ASAP1: variants seen among roughly 807,000 people sequenced by gnomAD.
ASAP1 encodes arf-GAP with SH3 domain, ANK repeat and PH domain-containing protein 1.
Under a neutral mutation model 145.2 loss-of-function variants are expected in ASAP1, and 43 were observed. The observed-to-expected ratio is 0.30, with a 90% CI of 0.23 to 0.38. ASAP1 has a LOEUF of 0.38. Ranked by LOEUF, ASAP1 falls within the 10% of genes least tolerant of loss-of-function variation. The pLI, the probability that ASAP1 is intolerant of heterozygous loss-of-function variation, is 1.00. For synonymous variants in ASAP1, 546 were observed against 515.5 expected, an observed-to-expected ratio of 1.06 and a Z score of -0.80; for missense variants, 1,018 against 1,355.3, an observed-to-expected ratio of 0.75 and a Z score of 3.91.
At chr8:130,140,257 T>C (rs1302547260) in intron 13 of ASAP1, among the ~76,000 whole-genome samples, 4 of 151,918 alleles carry the variant, frequency 2.6e-5, no homozygotes, top group African/African-American at 9.7e-5. Flanking sequence ...CCCAGGCTGC[T>C]CTTAAACTCC....
At chr8:130,256,733 A>G (rs1160852173) in intron 3 of ASAP1, among the ~76,000 whole-genome samples, 4 of 121,600 alleles carry the variant, frequency 3.3e-5, no homozygotes, top group Non-Finnish European at 6.8e-5. Context: ...CTGAATATAC[A>G]CATTCTTATA....
In ASAP1 at chr8:130,126,001, G is replaced by A. The variant is rs533438828; in HGVS notation, c.1470C>T (p.Arg490=). 9 of 1,614,032 alleles carry A rather than the reference G, an allele frequency of 5.6e-6. No individual in the cohort carries two copies. The East Asian group carries it at 2.0e-4, about 36-fold the overall frequency. Residue 490 remains arginine (R), a synonymous_variant, in exon 17 of 30, where the codon CGC becomes CGT. Coordinates refer to ENST00000518721, the MANE Select transcript of ASAP1 (RefSeq NM_018482.4). ...ATTTGTCTAGTTCCAAAGACTGAAT[G>A]CGAGAAATATGAACCCCCATTTCCC... ...IHREMGVHIS[R]IQSLELDKLG...
At chr8:130,197,844 T>C (rs1815606613) in intron 5 of ASAP1, among the ~76,000 whole-genome samples, 1 of 152,190 alleles carries the variant, frequency 6.6e-6, no homozygotes. Flanking sequence ...GCCCTGAGTT[T>C]TGGGTTCCAT....
chr8:130,172,033 G>A (rs948567703), intron 9 of ASAP1, among the ~76,000 whole-genome samples: 1 of 152,192 alleles, frequency 6.6e-6, no homozygotes, highest in Admixed American at 6.5e-5. Flanking sequence ...GGGGTCAGAT[G>A]ATTATGACCA....
chr8:130,141,727 T>C (rs1250273965), intron 13 of ASAP1, among the ~76,000 whole-genome samples: 1 of 152,104 alleles, frequency 6.6e-6, no homozygotes, highest in African/African-American at 2.4e-5. Context: ...TAAAAATATG[T>C]ATTTTTTAGA....
chr8:130,125,721 G>A (rs1210374177), intron 17 of ASAP1, among the ~76,000 whole-genome samples: 1 of 152,086 alleles, frequency 6.6e-6, no homozygotes, highest in South Asian at 2.1e-4. Context: ...AAAGAAAAGA[G>A]CCAATTTCAC....
chr8:130,121,178 G>A (rs532058432), intron 18 of ASAP1, among the ~76,000 whole-genome samples: 99 of 152,012 alleles, frequency 6.5e-4, no homozygotes, highest in Non-Finnish European at 1.1e-3. Context: ...TACCTTCAGC[G>A]CTCAGTGGAT....
chr8:130,293,791 G>C (rs1822090188), intron 3 of ASAP1, among the ~76,000 whole-genome samples: 1 of 152,206 alleles, frequency 6.6e-6, no homozygotes, highest in Non-Finnish European at 1.5e-5. Flanking sequence ...TCCAGCACAA[G>C]GCTAGGTGCT....
intron 2 of ASAP1, among the ~76,000 whole-genome samples, chr8:130,377,660 C>A (rs182936384): frequency 1.7e-4 from 26 of 152,332 alleles, no homozygotes; most frequent in African/African-American, 5.8e-4. Flanking sequence ...TCTCAGGGCT[C>A]CTCCACCCTC....
intron 1 of ASAP1, among the ~76,000 whole-genome samples, chr8:130,435,568 T>G (rs1220960762): frequency 6.6e-6 from 1 of 152,228 alleles, no homozygotes; most frequent in African/African-American, 2.4e-5. Context: ...AAAGGCAATT[T>G]TTACATTTTT....
At chr8:130,350,228 A>G (rs1825919894) in intron 3 of ASAP1, among the ~76,000 whole-genome samples, 1 of 152,226 alleles carries the variant, frequency 6.6e-6, no homozygotes, top group South Asian at 2.1e-4. Context: ...AGCAAGTTAC[A>G]TGGAGTGGTA....
At chr8:130,187,070 C>G (rs1011779925) in intron 7 of ASAP1, among the ~76,000 whole-genome samples, 166 bp downstream of exon 7, 1 of 152,180 alleles carries the variant, frequency 6.6e-6, no homozygotes, top group African/African-American at 2.4e-5. Context: ...TACCCAACCT[C>G]TTAGCCCTAA....
Position 130,401,979 on chromosome 8 carries a change from G to GGGGCAGGA in ASAP1, c.-27-17_-27-10dup. 2 of 1,591,384 alleles carry GGGGCAGGA rather than the reference G, an allele frequency of 1.3e-6. No homozygotes were observed. Among genetic ancestry groups the GGGGCAGGA allele is most frequent in the Non-Finnish European group, 8.6e-7 (1 of 1,163,856 alleles). On this transcript the variant is annotated splice_polypyrimidine_tract_variant and intron_variant, in intron 1 of 29. Coordinates refer to ENST00000518721, the MANE Select transcript of ASAP1 (RefSeq NM_018482.4). The stretch of plus-strand genomic sequence containing the variant: ...TCACATCAGAAAACGACCTGGATAG[G>GGGGCAGGA]GGGCAGGACAAAAAGGGGACAAGAG...
chr8:130,106,794 T>C (rs569637368), intron 24 of ASAP1, among the ~76,000 whole-genome samples: 1 of 152,304 alleles, frequency 6.6e-6, no homozygotes, highest in African/African-American at 2.4e-5. Context: ...TAATCCTCTC[T>C]CTGAAGCTGT....
At chr8:130,416,395 A>G (rs533004879) in intron 1 of ASAP1, among the ~76,000 whole-genome samples, 1 of 152,320 alleles carries the variant, frequency 6.6e-6, no homozygotes, top group East Asian at 1.9e-4. Context: ...TAATTAATGA[A>G]TGCCTAAACA....
At chr8:130,221,913 T>C (rs75432166) in intron 4 of ASAP1, among the ~76,000 whole-genome samples, 3,129 of 152,290 alleles carry the variant, frequency 0.021, 49 homozygotes, top group East Asian at 0.064. Context: ...ACAGAGATGT[T>C]ATTAAATTTA....
At chr8:130,107,872 C>T (rs150115032) in intron 24 of ASAP1, among the ~76,000 whole-genome samples, 94 of 152,136 alleles carry the variant, frequency 6.2e-4, no homozygotes, top group African/African-American at 2.0e-3. Context: ...TTGTGTGGCA[C>T]GGAAAAGAAG....
intron 2 of ASAP1, among the ~76,000 whole-genome samples, chr8:130,385,222 T>C (rs953580499): frequency 2.6e-5 from 4 of 152,112 alleles, no homozygotes; most frequent in East Asian, 1.9e-4. Flanking sequence ...TCCCAGCAGT[T>C]TGGGAGGCTG....
At chr8:130,181,010 A>G (rs1263468347) in intron 7 of ASAP1, 130 bp from the exon 8 acceptor site, 5 of 557,678 alleles carry the variant, frequency 9.0e-6, no homozygotes, top group African/African-American at 8.7e-5. Context: ...AGTTGTATCA[A>G]TTGTACCACT....
Sources: gnomAD v4.1 joint callset for allele counts (sites outside exome capture counted in the v4.1 genomes callset) on GRCh38, gnomAD v4.1.1 for gene constraint, MANE v1.5 for transcripts, NCBI Gene and HGNC (gene_info 2026-07-23, HGNC 2026-07-21) for gene names.